NCAM2: variants seen among roughly 807,000 people sequenced by gnomAD.
The protein encoded by NCAM2 is N-CAM-2.
A neutral mutation model predicts 98.1 loss-of-function variants in NCAM2; 30 were observed. The observed-to-expected ratio is 0.31, with a 90% CI of 0.23 to 0.41. The LOEUF is 0.41. Among genes scored for constraint, NCAM2 ranks in the 10% least tolerant of loss-of-function variants. NCAM2 has a pLI of 1.00. For synonymous variants in NCAM2, 368 were observed against 342.4 expected (o/e 1.07, Z -0.83); for missense variants, 867 against 1,005.8 (o/e 0.86, Z 1.87).
intron 12 of NCAM2, among the ~76,000 whole-genome samples, chr21:21,451,959 T>C (rs1040440035): frequency 6.6e-6 from 1 of 152,112 alleles, no homozygotes; most frequent in African/African-American, 2.4e-5. Flanking sequence ...ACATTCTTTA[T>C]CTTCAACTCT....
At chr21:21,314,822 A>G (rs1223606971) in intron 5 of NCAM2, among the ~76,000 whole-genome samples, 2 of 152,164 alleles carry the variant, frequency 1.3e-5, no homozygotes, top group African/African-American at 4.8e-5. Context: ...TTTTAAAAAT[A>G]TATCGTATGT....
chr21:21,523,834 G>A (rs1469990482), intron 16 of NCAM2, among the ~76,000 whole-genome samples: 1 of 151,872 alleles, frequency 6.6e-6, no homozygotes, highest in Non-Finnish European at 1.5e-5. Flanking sequence ...ATGCTCAATT[G>A]AAATCGCCAA....
chr21:21,418,654 T>C (rs1261566978), intron 11 of NCAM2, 85 bp downstream of exon 11: 21 of 971,834 alleles, frequency 2.2e-5, no homozygotes, highest in Non-Finnish European at 3.3e-5. Flanking sequence ...TGGTCTCATT[T>C]ACATGTGGGA....
At chr21:21,010,995 A>C (rs1041460757) in intron 1 of NCAM2, among the ~76,000 whole-genome samples, 1 of 152,098 alleles carries the variant, frequency 6.6e-6, no homozygotes, top group African/African-American at 2.4e-5. Context: ...GAGCTTGGAT[A>C]AAATCTAATA....
chr21:21,451,890 T>C (rs190168632), intron 12 of NCAM2, among the ~76,000 whole-genome samples: 10 of 152,092 alleles, frequency 6.6e-5, no homozygotes, highest in Admixed American at 6.6e-4. Context: ...AGGCCCATGA[T>C]TTTCTGTCCA....
chr21:21,431,172 GA>G (rs146739006), intron 11 of NCAM2, among the ~76,000 whole-genome samples: 1 of 147,002 alleles, frequency 6.8e-6, no homozygotes, highest in Admixed American at 6.8e-5. Context: ...TTCCCTCTCT[GA>G]AAAAAAATTA....
intron 11 of NCAM2, among the ~76,000 whole-genome samples, chr21:21,420,883 C>T (rs184848689): frequency 1.2e-3 from 187 of 151,956 alleles, no homozygotes; most frequent in African/African-American, 4.2e-3. Flanking sequence ...TGCTAATTCT[C>T]ACCAAAATGC....
At chr21:21,057,120 T>G (rs1436526401) in intron 1 of NCAM2, among the ~76,000 whole-genome samples, 3 of 152,032 alleles carry the variant, frequency 2.0e-5, no homozygotes, top group Non-Finnish European at 2.9e-5. Context: ...ACCTAGGGTG[T>G]CTAAAACCAA....
At chr21:21,057,391 A>T (rs2065232874) in intron 1 of NCAM2, among the ~76,000 whole-genome samples, 1 of 152,140 alleles carries the variant, frequency 6.6e-6, no homozygotes, top group Admixed American at 6.6e-5. Flanking sequence ...TTTTAATTTG[A>T]ATTGGTTTAC....
At chr21:21,097,599 C>T (rs1240748910) in intron 1 of NCAM2, among the ~76,000 whole-genome samples, 1 of 151,460 alleles carries the variant, frequency 6.6e-6, no homozygotes, top group Non-Finnish European at 1.5e-5. Flanking sequence ...TTACACTGCA[C>T]AAACTTGTAT....
chr21:21,255,975 A>G (rs530222648), intron 1 of NCAM2, among the ~76,000 whole-genome samples: 87 of 152,330 alleles, frequency 5.7e-4, no homozygotes, highest in Non-Finnish European at 1.1e-3. Context: ...GTGTAAGTCC[A>G]TGGCCCTGCC....
intron 1 of NCAM2, among the ~76,000 whole-genome samples, chr21:21,014,502 C>T (rs2064269959): frequency 6.6e-6 from 1 of 151,706 alleles, no homozygotes; most frequent in Admixed American, 6.6e-5. Context: ...GATGACAGCA[C>T]ATCTGTTTAC....
chr21:21,425,368 G>A (rs913140457), intron 11 of NCAM2, among the ~76,000 whole-genome samples: 3 of 151,840 alleles, frequency 2.0e-5, no homozygotes, highest in African/African-American at 7.3e-5. Context: ...TTTTTTTCTG[G>A]CTCATAATAG....
chr21:21,352,753 C>G (rs1269215985), intron 8 of NCAM2, among the ~76,000 whole-genome samples: 2 of 133,070 alleles, frequency 1.5e-5, no homozygotes, highest in East Asian at 2.3e-4. Context: ...GAATGTATAA[C>G]TAGAAAAACA....
intron 16 of NCAM2, among the ~76,000 whole-genome samples, chr21:21,526,011 G>T (rs997015100): frequency 2.0e-5 from 3 of 151,898 alleles, no homozygotes; most frequent in Non-Finnish European, 4.4e-5. Context: ...CTTAATAAAG[G>T]ATATCTAAAA....
chr21:21,486,303 C>CAAAA (rs67182493), intron 15 of NCAM2, among the ~76,000 whole-genome samples: 1,432 of 51,980 alleles, frequency 0.028, 174 homozygotes, highest in African/African-American at 0.11. Context: ...GACTCCGTCT[C>CAAAA]AAAAAAAAAA....
At chr21:21,268,693 C>T (rs992659062) in intron 1 of NCAM2, among the ~76,000 whole-genome samples, 2 of 152,188 alleles carry the variant, frequency 1.3e-5, no homozygotes, top group Non-Finnish European at 2.9e-5. Flanking sequence ...TTCTGATTCA[C>T]TTTGCTTCAT....
intron 1 of NCAM2, among the ~76,000 whole-genome samples, chr21:21,122,425 G>T (rs2066694326): frequency 6.6e-6 from 1 of 152,040 alleles, no homozygotes; most frequent in African/African-American, 2.4e-5. Flanking sequence ...TTCCCATGAT[G>T]CATTGTCTCA....
At chr21:21,406,943 A>G (rs2076750956) in intron 9 of NCAM2, among the ~76,000 whole-genome samples, 1 of 152,126 alleles carries the variant, frequency 6.6e-6, no homozygotes, top group Non-Finnish European at 1.5e-5. Context: ...AGGCAAAAGT[A>G]TCTTTCCACT....
Sources: allele counts gnomAD v4.1 joint callset (sites outside exome capture counted in the v4.1 genomes callset), GRCh38; gene constraint gnomAD v4.1.1; transcripts MANE v1.5; gene names NCBI Gene and HGNC (gene_info 2026-07-23, HGNC 2026-07-21).